Variants in TBC1D8 observed in about 807,000 individuals in gnomAD.
The protein encoded by TBC1D8 is TBC1 domain family member 8.
TBC1D8 carries 65 observed loss-of-function variants against 118.8 expected under a neutral mutation model. The observed-to-expected ratio is 0.55, with a 90% CI of 0.45 to 0.67. TBC1D8 has a LOEUF of 0.67. Among genes scored for constraint, TBC1D8 ranks in the 30% least tolerant of loss-of-function variants. TBC1D8 has a pLI of 0.00. For synonymous variants in TBC1D8, 566 were observed against 595.8 expected, an observed-to-expected ratio of 0.95 and a Z score of 0.73; for missense variants, 1,376 against 1,471.2, an observed-to-expected ratio of 0.94 and a Z score of 1.06.
chr2:101,011,410 G>T (rs1376271313), intron 18 of TBC1D8, 41 bp downstream of exon 18: 1 of 1,586,486 alleles, frequency 6.3e-7, no homozygotes, highest in East Asian at 2.2e-5. Flanking sequence ...CGCCACTGCA[G>T]TGGTATGCAG....
In TBC1D8 at chr2:101,109,969, C is replaced by T. The variant is rs577201791; in HGVS notation, c.128-19605G>A. The T allele has an allele frequency of 1.3e-4, 125 of 985,440 alleles. No homozygotes were observed. The Middle Eastern group carries it at 1.6e-3, about 12-fold the overall frequency. The allele number at this position is 985,440 out of a possible 1,614,324, so 61.0% of individuals were successfully genotyped here. A position where few individuals can be genotyped will look rare whatever the true frequency, so the allele number is the denominator to read the frequency against. ...ACCTCGTGCATCCTGCTTTCCTTTC[C>T]GCAGCAGTTCCATATGGCTTGTCTG... On this transcript the variant is annotated intron_variant, in intron 1 of 19. Transcript: ENST00000409318.
At chr2:101,061,922 A>C (rs1682775834) in intron 2 of TBC1D8, among the ~76,000 whole-genome samples, 6 of 152,188 alleles carry the variant, frequency 3.9e-5, no homozygotes. Flanking sequence ...GACTCTCTTG[A>C]AGCTTCCGAC....
chr2:101,148,923 T>C (rs1022909235), intron 1 of TBC1D8, among the ~76,000 whole-genome samples: 1 of 152,208 alleles, frequency 6.6e-6, no homozygotes, highest in African/African-American at 2.4e-5. Context: ...AGAGCTGCCC[T>C]GTGTCCCATG....
At chr2:101,099,733 T>C (rs1257936047) in intron 1 of TBC1D8, among the ~76,000 whole-genome samples, 1 of 152,058 alleles carries the variant, frequency 6.6e-6, no homozygotes, top group Non-Finnish European at 1.5e-5. Context: ...ACATAATCTA[T>C]CACATGAACA....
rs1681434203 is a variant in TBC1D8, at chr2:101,042,292, TTA to T, written c.873-1909_873-1908del. Among the ~76,000 whole-genome samples the T allele has an allele frequency of 3.3e-5, 5 of 152,236 alleles. No homozygotes were observed. The South Asian group carries it at 1.0e-3, about 32-fold the overall frequency. The stretch of plus-strand genomic sequence containing the variant: ...ACAATGTTTGAAAATACTGATCAAG[TTA>T]TGTCATATTCCAAAATTCTAGTAAG... On this transcript the variant is annotated intron_variant, in intron 5 of 19. Coordinates refer to ENST00000409318, the MANE Select transcript of TBC1D8 (RefSeq NM_001330348.2).
intron 1 of TBC1D8, among the ~76,000 whole-genome samples, chr2:101,149,470 C>A (rs950413984): frequency 2.6e-5 from 4 of 152,182 alleles, no homozygotes; most frequent in African/African-American, 4.8e-5. Context: ...TCTCGGGCCT[C>A]TTTCCAGAGC....
chr2:101,081,432 T>C (rs1448305640), intron 2 of TBC1D8, among the ~76,000 whole-genome samples: 2 of 152,212 alleles, frequency 1.3e-5, no homozygotes, highest in Non-Finnish European at 2.9e-5. Context: ...GCACTTAAGC[T>C]ACCATAAACA....
chr2:101,032,318 A>T lies in TBC1D8; in HGVS notation c.1886T>A (p.Val629Asp), dbSNP rs777854114. ...GGGCAGCATCCGCTCACACACAGCAACCAACAGCCAGAAGGCTTCCTCCTC... is the reference window on the plus strand; with the variant it reads ...GGGCAGCATCCGCTCACACACAGCATCCAACAGCCAGAAGGCTTCCTCCTC... ...TKEEEAFWLL[V>D]AVCERMLPDY... Residue 629 changes from valine to aspartate, a missense_variant, in exon 11 of 20, where the codon GTT (valine) becomes GAT (aspartate). Transcript: ENST00000409318. The T allele has an allele frequency of 6.2e-7, 1 of 1,613,874 alleles. No individual in the cohort carries two copies. The highest frequency in any genetic ancestry group is 2.2e-5 in the East Asian group (1 of 44,878).
intron 2 of TBC1D8, among the ~76,000 whole-genome samples, chr2:101,078,219 T>C (rs1481780910): frequency 6.6e-6 from 1 of 152,210 alleles, no homozygotes; most frequent in East Asian, 1.9e-4. Context: ...TCTGTACATA[T>C]TAAACTCTTT....
chr2:101,055,120 T>C (rs1479937206), intron 3 of TBC1D8, among the ~76,000 whole-genome samples: 1 of 151,866 alleles, frequency 6.6e-6, no homozygotes, highest in African/African-American at 2.4e-5. Flanking sequence ...CCAGGTGTGG[T>C]GGTTCACACC....
At chr2:101,045,122 A>G (rs749500411) in intron 5 of TBC1D8, among the ~76,000 whole-genome samples, 13 of 152,196 alleles carry the variant, frequency 8.5e-5, no homozygotes, top group Non-Finnish European at 1.6e-4. Flanking sequence ...AACAACAAAC[A>G]TCAGATTTGT....
intron 5 of TBC1D8, among the ~76,000 whole-genome samples, chr2:101,042,397 T>C (rs544540149): frequency 1.3e-5 from 2 of 152,322 alleles, no homozygotes; most frequent in African/African-American, 4.8e-5. Flanking sequence ...AGGATGAAAT[T>C]AGCACTTGCT....
At chr2:101,132,914 A>C (rs944702870) in intron 1 of TBC1D8, among the ~76,000 whole-genome samples, 17 of 151,956 alleles carry the variant, frequency 1.1e-4, no homozygotes, top group Admixed American at 1.0e-3. Context: ...TTTGCAATAA[A>C]AATATTCTTA....
At chr2:101,030,371 ACACT>A (rs1680598663) in intron 11 of TBC1D8, among the ~76,000 whole-genome samples, 1 of 152,252 alleles carries the variant, frequency 6.6e-6, no homozygotes, top group Non-Finnish European at 1.5e-5. Context: ...AAAGATTTAA[ACACT>A]CAGAAGAGCC....
chr2:101,079,272 G>C (rs1675086797), intron 2 of TBC1D8, among the ~76,000 whole-genome samples: 1 of 152,180 alleles, frequency 6.6e-6, no homozygotes, highest in Non-Finnish European at 1.5e-5. Flanking sequence ...CGGTTTCCTT[G>C]TTAATCAAGT....
intron 1 of TBC1D8, among the ~76,000 whole-genome samples, chr2:101,140,594 C>A (rs767864944): frequency 1.3e-5 from 2 of 152,028 alleles, no homozygotes. Context: ...GTTACAGGTA[C>A]GTGTCAATCA....
chr2:101,124,287 A>C (rs575659930), intron 1 of TBC1D8, among the ~76,000 whole-genome samples: 1 of 152,336 alleles, frequency 6.6e-6, no homozygotes, highest in African/African-American at 2.4e-5. Flanking sequence ...GTATAAAAGA[A>C]TTGTCATGAT....
At chr2:101,078,753 C>A (rs1172314186) in intron 2 of TBC1D8, among the ~76,000 whole-genome samples, 37 of 108,060 alleles carry the variant, frequency 3.4e-4, no homozygotes, top group East Asian at 1.7e-3. Context: ...CCTTTCTTAG[C>A]AAAAAAAAAA....
Position 101,037,670 on chromosome 2 carries a change from G to A in TBC1D8, c.1314C>T (p.Asp438=), listed in dbSNP as rs1279657250. Residue 438 remains aspartate (D), a synonymous_variant, in exon 8 of 20, where the codon GAC becomes GAT. Transcript: ENST00000409318. ...TCATTTCAAGATCCCCAAATCTGTG[G>A]TCACTGCACATGCTTGTTGAATGAA... ...LVFHSTSMCS[D]HRFGDLEMMS... The A allele has an allele frequency of 1.2e-6, 2 of 1,613,718 alleles. No individual in the cohort carries two copies. The highest frequency in any genetic ancestry group is 1.7e-5 in the Admixed American group (1 of 60,004).
Sources: allele counts gnomAD v4.1 joint callset (sites outside exome capture counted in the v4.1 genomes callset), GRCh38; gene constraint gnomAD v4.1.1; transcripts MANE v1.5; gene names NCBI Gene and HGNC (gene_info 2026-07-23, HGNC 2026-07-21).